The following LTBR variants were observed in gnomAD, a reference collection of about 807,000 sequenced individuals.
LTBR encodes the protein lymphotoxin beta receptor.
In LTBR, 15 loss-of-function variants were observed where a neutral mutation model predicts 45.4. That is an observed-to-expected ratio of 0.33 (90% CI 0.22 to 0.51). LTBR has a LOEUF of 0.51. Ranked by LOEUF, LTBR falls within the 20% of genes least tolerant of loss-of-function variation. The probability of loss-of-function intolerance (pLI) is 0.97; values close to 1 mark genes in which losing one functional copy is unlikely to be tolerated. For missense variants in LTBR, 450 were observed against 565.5 expected, an observed-to-expected ratio of 0.80 and a Z score of 2.07; for synonymous variants, 228 against 231.0, an observed-to-expected ratio of 0.99 and a Z score of 0.12.
In LTBR at chr12:6,386,018, C is replaced by T; in HGVS notation, c.473-48C>T. 1 of 1,338,324 alleles carries T rather than the reference C, an allele frequency of 7.5e-7. No homozygotes were observed. Among genetic ancestry groups the T allele is most frequent in the Non-Finnish European group, 1.1e-6 (1 of 929,836 alleles). 82.9% of individuals were successfully genotyped at this position (1,338,324 alleles called of 1,614,324 possible). A position where few individuals can be genotyped will look rare whatever the true frequency, so the allele number is the denominator to read the frequency against. On this transcript the variant is annotated intron_variant, in intron 4 of 9. Transcript: ENST00000228918. This position sits in a 1 kb window ranked among gnomAD's most constrained non-coding sequence, Gnocchi z 4.1. ...GAAACTCACAGGCCGGCAAAGGGCCCCTCCCTTTTGCCCATTCACCCTGGC... is the reference window on the plus strand; with the variant it reads ...GAAACTCACAGGCCGGCAAAGGGCCTCTCCCTTTTGCCCATTCACCCTGGC...
Position 6,388,716 on chromosome 12 carries a change from A to G in LTBR, c.776-84A>G. On this transcript the variant is annotated intron_variant, in intron 7 of 9. Transcript: ENST00000228918. This position sits in a 1 kb window ranked among gnomAD's most constrained non-coding sequence, Gnocchi z 4.3. Reference sequence around the variant, plus strand: ...TGGGCCCCCGGGTGGTCAAGTTGCTACACATTGTGCTGGGATGTGGAGGCT... The same window carrying G: ...TGGGCCCCCGGGTGGTCAAGTTGCTGCACATTGTGCTGGGATGTGGAGGCT... 6.4e-7 allele frequency: 1 copy of G among 1,559,608 alleles called. No homozygotes were observed.
In LTBR at chr12:6,384,333, G is replaced by C. The variant is rs1268548986; in HGVS notation, c.-26G>C. On this transcript the variant is annotated 5_prime_UTR_variant, in exon 1 of 10. Coordinates refer to ENST00000228918, the MANE Select transcript of LTBR (RefSeq NM_002342.3). ...TGCCTTCCTCCCAGGCCCCCACGTT[G>C]CTGGCCGCCTGGCCGAGTGGCCGCC... The C allele has an allele frequency of 6.8e-7, 1 of 1,466,704 alleles. No homozygotes were observed. The highest frequency in any genetic ancestry group is 2.5e-5 in the East Asian group (1 of 40,108). The allele number at this position is 1,466,704 out of a possible 1,614,324, so 90.9% of individuals were successfully genotyped here. A position where few individuals can be genotyped will look rare whatever the true frequency, so the allele number is the denominator to read the frequency against.
intron 1 of LTBR, among the ~76,000 whole-genome samples, chr12:6,378,363 C>T (rs1293555502): frequency 6.6e-6 from 1 of 152,226 alleles, no homozygotes; most frequent in African/African-American, 2.4e-5. Flanking sequence ...TCATGGCTCA[C>T]TGCAGCCTCC....
At chr12:6,383,215 AC>A (rs1008502064), upstream of LTBR, among the ~76,000 whole-genome samples, 7 of 152,070 alleles carry the variant, frequency 4.6e-5, no homozygotes, top group African/African-American at 1.7e-4. Context: ...AGTTAGGAAG[AC>A]GGAAACTTGG....
exon 1 of LTBR, chr12:6,375,536 C>G: frequency 6.5e-7 from 1 of 1,535,228 alleles, no homozygotes; most frequent in South Asian, 1.2e-5. Flanking sequence ...CTGGGGAGCC[C>G]GCCCGCTGGC....
At chr12:6,378,826 C>G (rs1948946269) in intron 1 of LTBR, among the ~76,000 whole-genome samples, 1 of 152,106 alleles carries the variant, frequency 6.6e-6, no homozygotes, top group Non-Finnish European at 1.5e-5. Flanking sequence ...CAGGACTACC[C>G]CCAGACTCCC....
upstream of LTBR, among the ~76,000 whole-genome samples, chr12:6,382,520 C>G (rs983173324): frequency 2.0e-5 from 3 of 152,222 alleles, no homozygotes; most frequent in African/African-American, 7.2e-5. Flanking sequence ...CATCCCAGCC[C>G]CCAGCGCTAG....
chr12:6,383,417 G>A (rs1205189748), upstream of LTBR, among the ~76,000 whole-genome samples: 1 of 152,086 alleles, frequency 6.6e-6, no homozygotes, highest in Non-Finnish European at 1.5e-5. Flanking sequence ...GGACTGCGTG[G>A]GCTCTCAGCT....
At chr12:6,382,447 A>G (rs1948993601), upstream of LTBR, among the ~76,000 whole-genome samples, 1 of 152,234 alleles carries the variant, frequency 6.6e-6, no homozygotes, top group African/African-American at 2.4e-5. Context: ...AGAGAGAGAA[A>G]AAAGGACCTA....
rs766972066 is a variant in LTBR at position 6,386,163 on chromosome 12, G to A, written c.569+1G>A. On this transcript the variant is annotated splice_donor_variant, in intron 5 of 9. Coordinates refer to ENST00000228918, the MANE Select transcript of LTBR (RefSeq NM_002342.3). LOFTEE classifies it high-confidence loss of function. The surrounding 1 kb of genome is among the most constrained non-coding windows in gnomAD (Gnocchi z 4.1). ...GCGCCCGCTGCCAGCCCCACACCAGGTGAGTGCAGCCCCACCCAAGCTCCT... is the reference window on the plus strand; with the variant it reads ...GCGCCCGCTGCCAGCCCCACACCAGATGAGTGCAGCCCCACCCAAGCTCCT... 6.2e-7 allele frequency: 1 copy of A among 1,611,668 alleles called. No individual in the cohort carries two copies. The highest frequency in any genetic ancestry group is 8.5e-7 in the Non-Finnish European group (1 of 1,177,946).
At chr12:6,385,498 C>T (rs1949029574) in intron 4 of LTBR, 119 bp downstream of exon 4, 4 of 1,229,202 alleles carry the variant, frequency 3.3e-6, no homozygotes, top group Admixed American at 2.4e-5. Flanking sequence ...GCTTAAAATT[C>T]CTCTTCTCAT....
At chr12:6,382,289 C>T (rs1000487132), upstream of LTBR, among the ~76,000 whole-genome samples, 3 of 151,694 alleles carry the variant, frequency 2.0e-5, no homozygotes, top group Non-Finnish European at 2.9e-5. Flanking sequence ...AGAGTGTGTG[C>T]GTTGGTGGGG....
chr12:6,381,387 A>G (rs1054238667), upstream of LTBR, among the ~76,000 whole-genome samples: 2 of 151,932 alleles, frequency 1.3e-5, no homozygotes, highest in African/African-American at 4.8e-5. Context: ...TGGCTGCTTC[A>G]CTCCTCCCAT....
At position 6,375,619 on chromosome 12, in the gene LTBR, G is replaced by A. The variant is rs1948893084; in HGVS notation, c.39+25G>A. ...GGTGAGCAGGGCGGGGGGAGGGGCT[G>A]AGGAGGAGTCAGAGCCGGGAGTTTT... On this transcript the variant is annotated intron_variant, in intron 1 of 9. Transcript: ENST00000539925. 2.0e-6 allele frequency: 3 copies of A among 1,508,010 alleles called. No homozygotes were observed. The South Asian group carries it at 3.7e-5, about 18-fold the overall frequency. 93.4% of individuals were successfully genotyped at this position (1,508,010 alleles called of 1,614,324 possible). A position where few individuals can be genotyped will look rare whatever the true frequency, so the allele number is the denominator to read the frequency against.
At position 6,390,879 on chromosome 12, in the gene LTBR, A is replaced by T; in HGVS notation, c.1250A>T (p.His417Leu). ...GCTTGGCACCTAGCGGAGACAGAGC[A>T]CTGTGGTGCCACACCCTCTAACAGG... is the stretch of plus-strand genomic sequence containing the variant. ...GKAWHLAETEHCGATPSNRGP... is the reference protein window; with the variant it reads ...GKAWHLAETELCGATPSNRGP... The change falls in exon 10 of 10, where the codon CAC becomes CTC. Residue 417 changes from histidine (H) to leucine (L), a missense_variant. This residue lies in a region of LTBR where 71 missense variants were observed against 90.4 expected (regional missense o/e 0.79). Transcript: ENST00000228918. 1 of 1,605,158 alleles carries T rather than the reference A, an allele frequency of 6.2e-7. No homozygotes were observed. Among genetic ancestry groups the T allele is most frequent in the East Asian group, 2.3e-5 (1 of 44,408 alleles).
intron 8 of LTBR, chr12:6,389,422 G>A (rs1217788480): frequency 2.5e-5 from 4 of 157,228 alleles, no homozygotes; most frequent in Non-Finnish European, 5.6e-5. Flanking sequence ...AGTTAGCCAG[G>A]CAGGGCCAGG....
At chr12:6,383,380 C>T (rs1285183362), upstream of LTBR, among the ~76,000 whole-genome samples, 1 of 152,186 alleles carries the variant, frequency 6.6e-6, no homozygotes, top group Non-Finnish European at 1.5e-5. Context: ...CCTTAGCCTC[C>T]CTCTCCATGC....
In LTBR at chr12:6,385,048, C is replaced by G. The variant is rs748196272; in HGVS notation, c.220C>G (p.Arg74Gly). ...CACCTATGTCTCAGCTAAATGTAGC[C>G]GCATCCGGGACACAGTTTGTGCCAC... ...PGTYVSAKCSRIRDTVCATCA... is the reference protein window; with the variant it reads ...PGTYVSAKCSGIRDTVCATCA... The change falls in exon 3 of 10, where the codon CGC becomes GGC. Residue 74 changes from arginine (R) to glycine (G), a missense_variant. Physicochemically the swap from Arg to Gly is moderately radical, Grantham distance 125 (BLOSUM62 -2). Coordinates refer to ENST00000228918, the MANE Select transcript of LTBR (RefSeq NM_002342.3). 1 of 1,614,056 alleles carries G rather than the reference C, an allele frequency of 6.2e-7. No individual in the cohort carries two copies. Among genetic ancestry groups the G allele is most frequent in the East Asian group, 2.2e-5 (1 of 44,898 alleles).
intron 1 of LTBR, among the ~76,000 whole-genome samples, chr12:6,376,758 A>G (rs547981175): frequency 1.3e-5 from 2 of 152,176 alleles, no homozygotes; most frequent in Admixed American, 6.5e-5. Flanking sequence ...CGCGGCAGGG[A>G]AGGCTGCCGC....
Sources: allele counts gnomAD v4.1 joint callset (sites outside exome capture counted in the v4.1 genomes callset), GRCh38; gene constraint gnomAD v4.1.1; regional missense constraint gnomAD v4.1.1; non-coding constraint Gnocchi (gnomAD v3.1); transcripts MANE v1.5; gene names NCBI Gene and HGNC (gene_info 2026-07-23, HGNC 2026-07-21).